Variants in CTSO observed in about 807,000 individuals in gnomAD.
The protein encoded by CTSO is cathepsin O.
In CTSO, 40 loss-of-function variants were observed where a neutral mutation model predicts 42.4. The ratio of observed to expected loss-of-function variants is 0.94; its 90% CI spans 0.73 to 1.23. The LOEUF is 1.23. Ranked by LOEUF, CTSO falls within the 50% of genes most tolerant of loss-of-function variation. CTSO has a pLI of 0.00. For synonymous variants in CTSO, 156 were observed against 146.2 expected, an observed-to-expected ratio of 1.07 and a Z score of -0.48; for missense variants, 441 against 396.0, an observed-to-expected ratio of 1.11 and a Z score of -0.96.
Position 155,939,327 on chromosome 4 carries a change from C to A in CTSO, c.552+44G>T, listed in dbSNP as rs748888269. The A allele has an allele frequency of 1.3e-5, 20 of 1,509,350 alleles. No homozygotes were observed. The South Asian group carries it at 2.3e-4, about 17-fold the overall frequency. 93.5% of individuals were successfully genotyped at this position (1,509,350 alleles called of 1,614,324 possible). ...GAATTTTGAACACACAGTAAACAAG[C>A]AAAAAAGGAAATAAAGAGTTTAAGA... On this transcript the variant is annotated intron_variant, in intron 4 of 7. Transcript: ENST00000433477.
At position 155,942,347 on chromosome 4, in the gene CTSO, C is replaced by G; in HGVS notation, c.354G>C (p.Gln118His). Residue 118 changes from glutamine (Q) to histidine (H), a missense_variant, in exon 3 of 8, where the codon CAG (glutamine) becomes CAC (histidine). Gln to His is a conservative substitution (Grantham distance 24). Coordinates refer to ENST00000433477, the MANE Select transcript of CTSO (RefSeq NM_001334.3). ...GCTGGTTTCTCACTTGTGTCACAAC[C>G]TGCTTGTCCCTCCAGTCAAATCTTA... The part of the protein sequence containing the change: ...LPLRFDWRDK[Q>H]VVTQVRNQQM... 6.3e-7 allele frequency: 1 copy of G among 1,585,400 alleles called. No homozygotes were observed. Among genetic ancestry groups the G allele is most frequent in the Non-Finnish European group, 8.6e-7 (1 of 1,167,456 alleles).
Position 155,937,434 on chromosome 4 carries a change from T to C in CTSO, c.602A>G (p.Asn201Ser). 1 of 1,612,174 alleles carries C rather than the reference T, an allele frequency of 6.2e-7. No homozygotes were observed. Among genetic ancestry groups the C allele is most frequent in the Non-Finnish European group, 8.5e-7 (1 of 1,178,358 alleles). The change falls in exon 5 of 8, where the codon AAT (asparagine) becomes AGT (serine). Residue 201 changes from asparagine (N) to serine (S), a missense_variant. Physicochemically the swap from Asn to Ser is conservative, Grantham distance 46 (BLOSUM62 1). Coordinates refer to ENST00000433477, the MANE Select transcript of CTSO (RefSeq NM_001334.3). ...KDSEYPFKAQ[N>S]GLCHYFSGSH... ...ACCAGAAAAGTAATGGCACAGACCA[T>C]TTTGTGCTTTAAAAGGATATTCTGA...
In CTSO at chr4:155,926,089, A is replaced by C; in HGVS notation, c.932-19T>G. The C allele has an allele frequency of 6.5e-7, 1 of 1,530,222 alleles. No individual in the cohort carries two copies. Among genetic ancestry groups the C allele is most frequent in the Non-Finnish European group, 8.9e-7 (1 of 1,120,280 alleles). 94.8% of individuals were successfully genotyped at this position (1,530,222 alleles called of 1,614,324 possible). ...GCAATACCTAAGGGAAAAAAAAGGA[A>C]TTATTAGTCTATTTCCTCTTTAGAT... On this transcript the variant is annotated intron_variant, in intron 7 of 7. Transcript: ENST00000433477.
At chr4:155,950,126 A>G (rs1408650355) in intron 1 of CTSO, among the ~76,000 whole-genome samples, 1 of 152,240 alleles carries the variant, frequency 6.6e-6, no homozygotes, top group Non-Finnish European at 1.5e-5. Context: ...GTATGATAAG[A>G]AATGTGTAGT....
chr4:155,943,606 C>G (rs1351377596), intron 1 of CTSO, among the ~76,000 whole-genome samples: 2 of 152,032 alleles, frequency 1.3e-5, no homozygotes, highest in Non-Finnish European at 2.9e-5. Flanking sequence ...ATACTAGAAG[C>G]AAATTGTCAC....
At chr4:155,938,950 C>CT (rs1298988799) in intron 4 of CTSO, among the ~76,000 whole-genome samples, 2 of 151,968 alleles carry the variant, frequency 1.3e-5, no homozygotes, top group Non-Finnish European at 2.9e-5. Flanking sequence ...GAGTGAGACT[C>CT]TGTCTCAAAA....
At chr4:155,938,530 C>A (rs917628755) in intron 4 of CTSO, among the ~76,000 whole-genome samples, 4 of 152,124 alleles carry the variant, frequency 2.6e-5, no homozygotes. Flanking sequence ...GTATACTGAG[C>A]AAAGCCCTAC....
At chr4:155,942,985 C>T (rs1743468141) in intron 2 of CTSO, among the ~76,000 whole-genome samples, 171 bp downstream of exon 2, 1 of 152,068 alleles carries the variant, frequency 6.6e-6, no homozygotes, top group Non-Finnish European at 1.5e-5. Flanking sequence ...AAGAGACTGG[C>T]CATGAATTTA....
intron 1 of CTSO, 48 bp downstream of exon 1, chr4:155,953,665 G>A: frequency 8.1e-7 from 1 of 1,237,342 alleles, no homozygotes; most frequent in Non-Finnish European, 1.0e-6. Flanking sequence ...ACCCGGGACA[G>A]GAAGTGAGGG....
At chr4:155,930,003 C>A (rs928701316) in intron 5 of CTSO, among the ~76,000 whole-genome samples, 3 of 152,150 alleles carry the variant, frequency 2.0e-5, no homozygotes, top group Non-Finnish European at 4.4e-5. Flanking sequence ...TTTAAGACAG[C>A]AGGAAGTAGA....
At chr4:155,939,561 G>A in intron 3 of CTSO, 23 bp from the exon 4 acceptor site, 1 of 1,584,244 alleles carries the variant, frequency 6.3e-7, no homozygotes, top group Non-Finnish European at 8.6e-7. Context: ...AGAAAAAGGG[G>A]TGGTATTTCC....
Position 155,943,179 on chromosome 4 carries a change from T to C in CTSO, c.221A>G (p.Tyr74Cys), listed in dbSNP as rs764634611. Residue 74 changes from tyrosine (Y) to cysteine (C), a missense_variant, in exon 2 of 8, where the codon TAT becomes TGT. Tyr to Cys is a radical substitution (Grantham distance 194, BLOSUM62 -2). Coordinates refer to ENST00000433477, the MANE Select transcript of CTSO (RefSeq NM_001334.3). ...ACCTTTAAACTCTTCAGGAAACAAATAGGAAAACTGATTTATTCCATAGAA... is the reference window on the plus strand; with the variant it reads ...ACCTTTAAACTCTTCAGGAAACAAACAGGAAAACTGATTTATTCCATAGAA... ...TAFYGINQFS[Y>C]LFPEEFKAIY... 1.4e-5 allele frequency: 22 copies of C among 1,609,690 alleles called. No individual in the cohort carries two copies. In the Admixed American group the frequency reaches 2.3e-4, roughly 17 times the overall value.
At chr4:155,953,098 A>C (rs1419131382) in intron 1 of CTSO, among the ~76,000 whole-genome samples, 2 of 151,222 alleles carry the variant, frequency 1.3e-5, no homozygotes, top group African/African-American at 4.8e-5. Context: ...ATTTCGTATA[A>C]TAATATGAAA....
chr4:155,932,401 C>A (rs565979220), intron 5 of CTSO, among the ~76,000 whole-genome samples: 1 of 152,090 alleles, frequency 6.6e-6, no homozygotes, highest in Non-Finnish European at 1.5e-5. Context: ...ATCCACCATA[C>A]ATGGAAATAA....
chr4:155,942,882 AC>A (rs1044586316), intron 2 of CTSO, among the ~76,000 whole-genome samples: 3 of 152,170 alleles, frequency 2.0e-5, no homozygotes, highest in African/African-American at 7.2e-5. Context: ...GAGAAAAAGC[AC>A]TAGAAAACTG....
intron 5 of CTSO, among the ~76,000 whole-genome samples, chr4:155,934,281 G>A (rs12510557): frequency 0.45 from 68,668 of 152,062 alleles, 17,058 homozygotes; most frequent in East Asian, 0.8. Flanking sequence ...TGAGATTGGG[G>A]AACCTCCACC....
chr4:155,942,937 T>C (rs1487109709), intron 2 of CTSO, among the ~76,000 whole-genome samples: 1 of 152,170 alleles, frequency 6.6e-6, no homozygotes, highest in Non-Finnish European at 1.5e-5. Context: ...CATGGAAATG[T>C]GCATAATTAT....
intron 5 of CTSO, among the ~76,000 whole-genome samples, chr4:155,934,133 T>C (rs538247666): frequency 6.6e-6 from 1 of 152,312 alleles, no homozygotes; most frequent in South Asian, 2.1e-4. Context: ...GTCCTTGTGC[T>C]GTGTGCAGCC....
At position 155,925,922 on chromosome 4, in the gene CTSO, A is replaced by T. The variant is rs143215110; in HGVS notation, c.*114T>A. 6.5e-4 allele frequency: 581 copies of T among 898,364 alleles called. 2 individuals are homozygous for T. The Middle Eastern group carries it at 7.7e-3, about 12-fold the overall frequency. The allele number at this position is 898,364 out of a possible 1,614,324, so 55.6% of individuals were successfully genotyped here. ...AGTTTAAATACTACTAGGCCTTAGA[A>T]TCTTTTGTAGGTAGTTGCTGAAACT... On this transcript the variant is annotated 3_prime_UTR_variant, in exon 8 of 8. Transcript: ENST00000433477.
Sources: allele counts gnomAD v4.1 joint callset (sites outside exome capture counted in the v4.1 genomes callset), GRCh38; gene constraint gnomAD v4.1.1; transcripts MANE v1.5; gene names NCBI Gene and HGNC (gene_info 2026-07-23, HGNC 2026-07-21).